The following CELSR1 variants were observed in gnomAD, a reference collection of about 807,000 sequenced individuals.
CELSR1 encodes adhesion G protein-coupled receptor C1.
In CELSR1, 110 loss-of-function variants were observed where a neutral mutation model predicts 249.1. That is an observed-to-expected ratio of 0.44 (90% CI 0.38 to 0.52). The LOEUF is 0.52. Among genes scored for constraint, CELSR1 ranks in the 20% least tolerant of loss-of-function variants. The pLI, the probability that CELSR1 is intolerant of heterozygous loss-of-function variation, is 0.00. For missense variants in CELSR1, 4,109 were observed against 4,296.4 expected (o/e 0.96, Z 1.22); for synonymous variants, 2,113 against 1,900.0 (o/e 1.11, Z -2.92).
intron 1 of CELSR1, among the ~76,000 whole-genome samples, chr22:46,476,929 T>C (rs1265683513): frequency 6.6e-6 from 1 of 152,126 alleles, no homozygotes; most frequent in Non-Finnish European, 1.5e-5. Context: ...CGTATGTGAG[T>C]TTCACCTCAA....
rs956522914 is a variant in CELSR1 at position 46,439,339 on chromosome 22, A to G, written c.4256T>C (p.Val1419Ala). The G allele has an allele frequency of 6.2e-7, 1 of 1,614,044 alleles. No individual in the cohort carries two copies. The highest frequency in any genetic ancestry group is 8.5e-7 in the Non-Finnish European group (1 of 1,179,968). Residue 1419 changes from valine (V) to alanine (A), a missense_variant, in exon 3 of 35, where the codon GTG becomes GCG. Coordinates refer to ENST00000674500, the MANE Select transcript of CELSR1 (RefSeq NM_001378328.1). ...NGVCKNGGTC[V>A]NLLIGGFHCV... ...GTGGAAGCCGCCGATGAGCAGGTTC[A>G]CGCAGGTGCCCCCGTTCTTGCACAC...
chr22:46,499,591 T>C (rs563779338), intron 1 of CELSR1, among the ~76,000 whole-genome samples: 193 of 152,324 alleles, frequency 1.3e-3, no homozygotes, highest in African/African-American at 4.4e-3. Flanking sequence ...CTGGCACAGA[T>C]ATGCAAAGAC....
rs2080333651 is a variant in CELSR1, at chr22:46,488,102, AG to A, written c.3545-23758del. Among the ~76,000 whole-genome samples, 1 of 151,266 alleles carries A rather than the reference AG, an allele frequency of 6.6e-6. No homozygotes were observed. The highest frequency in any genetic ancestry group is 1.5e-5 in the Non-Finnish European group (1 of 67,798). On this transcript the variant is annotated intron_variant, in intron 1 of 34. Coordinates refer to ENST00000674500, the MANE Select transcript of CELSR1 (RefSeq NM_001378328.1). This position sits in a 1 kb window ranked among gnomAD's most constrained non-coding sequence, Gnocchi z 4.7. ...GTCAAGTACCAGTGGAGGCACGGGGAGGGGTCCTGCCCTGCACCTCAGTTTC... is the reference window on the plus strand; with the variant it reads ...GTCAAGTACCAGTGGAGGCACGGGGAGGGTCCTGCCCTGCACCTCAGTTTC...
In CELSR1 at chr22:46,377,236, ATCTT is replaced by A. The variant is rs1421468850; in HGVS notation, c.7405_7408del (p.Lys2469LeufsTer21). 1 of 1,613,930 alleles carries A rather than the reference ATCTT, an allele frequency of 6.2e-7. No individual in the cohort carries two copies. The highest frequency in any genetic ancestry group is 2.2e-5 in the East Asian group (1 of 44,908). ...CAAGGACACAGCGGCATAGGTGACA[ATCTT>A]CAGAGGCAGGACCTCCCCGTTCTAT... On this transcript the variant is annotated frameshift_variant, in exon 24 of 35. Coordinates refer to ENST00000674500, the MANE Select transcript of CELSR1 (RefSeq NM_001378328.1). LOFTEE classifies it high-confidence loss of function.
intron 2 of CELSR1, among the ~76,000 whole-genome samples, chr22:46,460,186 CACACACACACACA>C (rs1389744058): frequency 1.2e-5 from 1 of 82,230 alleles, no homozygotes; most frequent in Non-Finnish European, 2.5e-5. Context: ...AAAACACACA[CACACACACACACA>C]CACACACACA....
At chr22:46,372,123 TCCATCCAC>T (rs1318621829) in intron 25 of CELSR1, among the ~76,000 whole-genome samples, 1 of 148,864 alleles carries the variant, frequency 6.7e-6, no homozygotes, top group Non-Finnish European at 1.5e-5. Flanking sequence ...CACTCATTCC[TCCATCCAC>T]CCATTCACCC....
intron 2 of CELSR1, among the ~76,000 whole-genome samples, chr22:46,460,830 G>A (rs1051103005): frequency 6.6e-6 from 1 of 152,178 alleles, no homozygotes. Context: ...CAGACCCTGG[G>A]GCCTTGGACT....
rs2147277213 is a variant in CELSR1, at chr22:46,397,696, G to A, written c.5679C>T (p.Asp1893=). Residue 1893 remains aspartate, a synonymous_variant, in exon 12 of 35, where the codon GAC becomes GAT. Coordinates refer to ENST00000674500, the MANE Select transcript of CELSR1 (RefSeq NM_001378328.1). ...PNSRCHDAWE[D]YSCVCDKGYL... ...CACCTTTGTCACAGACGCAGCTGTA[G>A]TCCTCCCAGGCGTCGTGGCAGCGGC... 6.4e-7 allele frequency: 1 copy of A among 1,554,048 alleles called. No homozygotes were observed. The highest frequency in any genetic ancestry group is 8.7e-7 in the Non-Finnish European group (1 of 1,146,548).
Position 46,367,133 on chromosome 22 carries a change from G to A in CELSR1, c.8080-15C>T, listed in dbSNP as rs957542514. On this transcript the variant is annotated splice_polypyrimidine_tract_variant and intron_variant, in intron 28 of 34. Coordinates refer to ENST00000674500, the MANE Select transcript of CELSR1 (RefSeq NM_001378328.1). The stretch of plus-strand genomic sequence containing the variant: ...ACGAAGGGGCCCTGGAGGGAGGAAG[G>A]TGGGGTCAGCACCTGCTGCTGCCTC... 5 of 1,608,516 alleles carry A rather than the reference G, an allele frequency of 3.1e-6. No individual in the cohort carries two copies. The highest frequency in any genetic ancestry group is 2.2e-5 in the East Asian group (1 of 44,836).
At position 46,454,396 on chromosome 22, in the gene CELSR1, ACT is replaced by A. The variant is rs945366181; in HGVS notation, c.4183+9309_4183+9310del. ...CCAGCCCTGCTGTCACGGAGCCCACACTCTCTCTGCAGAAGCAGCATCCCTCC... is the reference window on the plus strand; with the variant it reads ...CCAGCCCTGCTGTCACGGAGCCCACACTCTCTGCAGAAGCAGCATCCCTCC... On this transcript the variant is annotated intron_variant, in intron 2 of 34. Coordinates refer to ENST00000674500, the MANE Select transcript of CELSR1 (RefSeq NM_001378328.1). This position sits in a 1 kb window ranked among gnomAD's most constrained non-coding sequence, Gnocchi z 5.1. 6.6e-6 allele frequency among the ~76,000 whole-genome samples: 1 copy of A among 151,980 alleles called. No individual in the cohort carries two copies. The highest frequency in any genetic ancestry group is 1.9e-4 in the East Asian group (1 of 5,178).
rs893704824 is a variant in CELSR1 at position 46,393,321 on chromosome 22, G to C, written c.5964+821C>G. On this transcript the variant is annotated intron_variant, in intron 14 of 34. Transcript: ENST00000674500. This position sits in a 1 kb window ranked among gnomAD's most constrained non-coding sequence, Gnocchi z 4.1. ...CGCGTGTGCATTTCTGGAGACACGA[G>C]ATGTGAGCTCCGTGCTGCATGCAGG... 2.6e-5 allele frequency among the ~76,000 whole-genome samples: 4 copies of C among 152,258 alleles called. No homozygotes were observed. Among genetic ancestry groups the C allele is most frequent in the African/African-American group, 9.6e-5 (4 of 41,472 alleles).
chr22:46,381,038 A>ACG lies in CELSR1; in HGVS notation c.7089-85_7089-84dup. 2 of 1,408,134 alleles carry ACG rather than the reference A, an allele frequency of 1.4e-6. No homozygotes were observed. The highest frequency in any genetic ancestry group is 2.0e-6 in the Non-Finnish European group (2 of 1,021,446). The allele number at this position is 1,408,134 out of a possible 1,614,324, so 87.2% of individuals were successfully genotyped here. ...TCCCGCGCACAAATGCCCTGAGGACACGCCATGATGTGTTTCTAGGGGAGA... is the reference window on the plus strand; with the variant it reads ...TCCCGCGCACAAATGCCCTGAGGACACGCGCCATGATGTGTTTCTAGGGGAGA... On this transcript the variant is annotated intron_variant, in intron 21 of 34. Coordinates refer to ENST00000674500, the MANE Select transcript of CELSR1 (RefSeq NM_001378328.1). The surrounding 1 kb of genome is among the most constrained non-coding windows in gnomAD (Gnocchi z 6.0).
chr22:46,514,867 T>C (rs951376801), intron 1 of CELSR1, among the ~76,000 whole-genome samples: 9 of 152,144 alleles, frequency 5.9e-5, no homozygotes, highest in Admixed American at 5.9e-4. Context: ...TGCCTGTCCG[T>C]ACCCGCCGTC....
intron 2 of CELSR1, among the ~76,000 whole-genome samples, chr22:46,443,626 C>A (rs1370910973): frequency 6.6e-6 from 1 of 152,164 alleles, no homozygotes; most frequent in Admixed American, 6.5e-5. Context: ...CACATGCACT[C>A]AATTTCCCGT....
rs1282076589 is a variant in CELSR1 at position 46,367,869 on chromosome 22, G to A, written c.7953-14C>T. The A allele has an allele frequency of 1.2e-6, 2 of 1,605,858 alleles. No individual in the cohort carries two copies. The highest frequency in any genetic ancestry group is 4.5e-5 in the East Asian group (2 of 44,696). ...CTCAGCAGGGAGCTGCGGGAGGGCA[G>A]GATCAGGCCTGTGCCCATCGCCACC... On this transcript the variant is annotated splice_polypyrimidine_tract_variant and intron_variant, in intron 27 of 34. Coordinates refer to ENST00000674500, the MANE Select transcript of CELSR1 (RefSeq NM_001378328.1).
intron 2 of CELSR1, among the ~76,000 whole-genome samples, chr22:46,444,835 C>T (rs193163711): frequency 4.3e-4 from 66 of 152,298 alleles, no homozygotes; most frequent in Middle Eastern, 6.8e-3. Context: ...CTCCCAGCGT[C>T]CCTGGCTTGT....
intron 23 of CELSR1, 134 bp from the exon 24 acceptor site, chr22:46,377,395 G>A: frequency 1.0e-6 from 1 of 972,490 alleles, no homozygotes; most frequent in Non-Finnish European, 1.5e-6. Context: ...GGGCTGGGGA[G>A]GCCGAGTGCT....
chr22:46,419,799 CCATGCA>C (rs2079444772), intron 5 of CELSR1, among the ~76,000 whole-genome samples: 2 of 151,798 alleles, frequency 1.3e-5, no homozygotes, highest in South Asian at 4.2e-4. Context: ...GCGCCCTCAC[CCATGCA>C]CATGCACTCA....
Position 46,464,165 on chromosome 22 carries a change from ACGT to A in CELSR1, c.3722_3724del (p.Asp1241del). On this transcript the variant is annotated inframe_deletion, in exon 2 of 35. Transcript: ENST00000674500. The surrounding 1 kb of genome is among the most constrained non-coding windows in gnomAD (Gnocchi z 8.5). ...GTCGTTCTGGACGTTGAAGACGAAG[ACGT>A]CGTCCTTGGTGGTGGACAGCACGGC... 6.2e-7 allele frequency: 1 copy of A among 1,613,766 alleles called. No individual in the cohort carries two copies.
Sources: allele counts gnomAD v4.1 joint callset (sites outside exome capture counted in the v4.1 genomes callset), GRCh38; gene constraint gnomAD v4.1.1; non-coding constraint Gnocchi (gnomAD v3.1); transcripts MANE v1.5; gene names NCBI Gene and HGNC (gene_info 2026-07-23, HGNC 2026-07-21).